The following DOCK9 variants were observed in gnomAD, a reference collection of about 807,000 sequenced individuals.
DOCK9 encodes the protein dedicator of cytokinesis 9, also known as dedicator of cytokinesis protein 9.
DOCK9 carries 89 observed loss-of-function variants against 263.3 expected under a neutral mutation model. That is an observed-to-expected ratio of 0.34 (90% CI 0.28 to 0.40). The LOEUF is 0.40. DOCK9 is among the 10% of genes least tolerant of loss of function. The pLI is 1.00. For missense variants in DOCK9, 2,140 were observed against 2,603.4 expected, an observed-to-expected ratio of 0.82 and a Z score of 3.87; for synonymous variants, 976 against 973.1, an observed-to-expected ratio of 1.00 and a Z score of -0.06.
At chr13:99,064,837 G>A (rs1449997001) in intron 1 of DOCK9, among the ~76,000 whole-genome samples, 1 of 152,162 alleles carries the variant, frequency 6.6e-6, no homozygotes, top group East Asian at 1.9e-4. Context: ...TTTTAAAGCT[G>A]TCTGTTCTAC....
At chr13:99,065,772 AT>A (rs541250280) in intron 1 of DOCK9, among the ~76,000 whole-genome samples, 20 of 152,284 alleles carry the variant, frequency 1.3e-4, no homozygotes, top group Admixed American at 3.9e-4. Context: ...CATGAAGCTC[AT>A]TTTGCAATCT....
At chr13:98,803,447 C>T (rs1360431019) in intron 49 of DOCK9, among the ~76,000 whole-genome samples, 42 of 152,182 alleles carry the variant, frequency 2.8e-4, no homozygotes, top group Admixed American at 2.7e-3. Flanking sequence ...CCAGGATAAC[C>T]GGGAGGGCCT....
chr13:98,844,370 TA>T (rs201365129), intron 38 of DOCK9, among the ~76,000 whole-genome samples: 5 of 139,128 alleles, frequency 3.6e-5, no homozygotes, highest in East Asian at 4.2e-4. Context: ...TTATTTTTTT[TA>T]TTTTTTTTTT....
At chr13:99,031,980 T>C (rs1177461250) in intron 1 of DOCK9, among the ~76,000 whole-genome samples, 1 of 152,208 alleles carries the variant, frequency 6.6e-6, no homozygotes, top group Non-Finnish European at 1.5e-5. Context: ...CTTCTTGATT[T>C]CATAATAGCC....
At chr13:98,942,440 G>T (rs1268276707) in intron 2 of DOCK9, among the ~76,000 whole-genome samples, 1 of 151,976 alleles carries the variant, frequency 6.6e-6, no homozygotes, top group Non-Finnish European at 1.5e-5. Context: ...GGGTTTTGCC[G>T]TGTTAGCCAG....
In DOCK9 at chr13:98,885,766, G is replaced by A. The variant is rs2045603103; in HGVS notation, c.2202C>T (p.Val734=). The change falls in exon 20 of 53, where the codon GTC becomes GTT. Residue 734 remains valine (V), a synonymous_variant. Transcript: ENST00000682017. ...KHHLLLTFFH[V]SCDNSSKGST... ...TTCCTTTACTTGAGTTGTCACAGCT[G>A]ACATGGAAGAATGTGAGCAACAGGT... 1 of 1,612,738 alleles carries A rather than the reference G, an allele frequency of 6.2e-7. No individual in the cohort carries two copies. The highest frequency in any genetic ancestry group is 1.3e-5 in the African/African-American group (1 of 74,852).
At chr13:98,806,130 T>A (rs1480810717) in intron 48 of DOCK9, among the ~76,000 whole-genome samples, 2 of 152,236 alleles carry the variant, frequency 1.3e-5, no homozygotes, top group Admixed American at 1.3e-4. Flanking sequence ...ATTTTAGGAA[T>A]AATGTTTGGA....
intron 1 of DOCK9, among the ~76,000 whole-genome samples, chr13:99,032,224 A>C (rs890156582): frequency 6.6e-6 from 1 of 152,132 alleles, no homozygotes; most frequent in Non-Finnish European, 1.5e-5. Flanking sequence ...TAATCCTAGC[A>C]CTTTGGGAGG....
intron 15 of DOCK9, among the ~76,000 whole-genome samples, chr13:98,888,936 G>C (rs1830069615): frequency 6.6e-6 from 1 of 152,076 alleles, no homozygotes; most frequent in African/African-American, 2.4e-5. Context: ...TATTTAATCA[G>C]TATAAAAAAT....
chr13:98,979,303 T>C (rs531196371), upstream of DOCK9, among the ~76,000 whole-genome samples: 3 of 152,064 alleles, frequency 2.0e-5, no homozygotes, highest in South Asian at 2.1e-4. Flanking sequence ...GTAGCAACAA[T>C]AGGTGCCAGA....
At chr13:98,910,503 C>T (rs1434466948) in intron 9 of DOCK9, among the ~76,000 whole-genome samples, 1 of 152,216 alleles carries the variant, frequency 6.6e-6, no homozygotes, top group East Asian at 1.9e-4. Context: ...GTTTACATCA[C>T]TCACACTGTA....
intron 27 of DOCK9, chr13:98,871,921 C>G (rs566310529): frequency 6.5e-6 from 1 of 153,236 alleles, no homozygotes; most frequent in Non-Finnish European, 1.5e-5. Context: ...GGCTGCTCAG[C>G]GCCTACCAAC....
intron 1 of DOCK9, among the ~76,000 whole-genome samples, chr13:99,073,137 T>A (rs754702129): frequency 5.9e-5 from 9 of 152,144 alleles, no homozygotes; most frequent in Non-Finnish European, 1.3e-4. Flanking sequence ...ATGTGGCCCA[T>A]CACTCAAGAT....
chr13:98,857,538 A>C (rs1443004154), intron 33 of DOCK9: 1 of 152,168 alleles, frequency 6.6e-6, no homozygotes, highest in Non-Finnish European at 1.5e-5. Flanking sequence ...TGATCTGCCC[A>C]CCTCGGCCTC....
intron 1 of DOCK9, among the ~76,000 whole-genome samples, chr13:99,043,542 G>A (rs1172306200): frequency 6.6e-6 from 1 of 152,186 alleles, no homozygotes; most frequent in African/African-American, 2.4e-5. Flanking sequence ...GAACCCAGGA[G>A]CAGAGGACTC....
At position 98,829,852 on chromosome 13, in the gene DOCK9, C is replaced by T. The variant is rs531082224; in HGVS notation, c.4636-96G>A. 1.6e-4 allele frequency: 171 copies of T among 1,052,468 alleles called. 1 individual carries two copies. The Middle Eastern group carries it at 2.1e-3, about 13-fold the overall frequency. The allele number at this position is 1,052,468 out of a possible 1,614,324, so 65.2% of individuals were successfully genotyped here. A position where few individuals can be genotyped will look rare whatever the true frequency, so the allele number is the denominator to read the frequency against. ...AGTTAGGATGTGCCTAAGGACCCAG[C>T]AAAGTGGGGGTTGGGGGGTGCTTTG... On this transcript the variant is annotated intron_variant, in intron 41 of 52. Coordinates refer to ENST00000682017, the MANE Select transcript of DOCK9 (RefSeq NM_001366683.2). This position sits in a 1 kb window ranked among gnomAD's most constrained non-coding sequence, Gnocchi z 4.1.
At chr13:98,922,927 T>C (rs887463305) in intron 5 of DOCK9, among the ~76,000 whole-genome samples, 1 of 152,170 alleles carries the variant, frequency 6.6e-6, no homozygotes, top group Non-Finnish European at 1.5e-5. Context: ...CTAAAAGCAA[T>C]CATTGAAGAA....
At chr13:98,799,994 G>C (rs2089915179) in intron 50 of DOCK9, among the ~76,000 whole-genome samples, 1 of 152,148 alleles carries the variant, frequency 6.6e-6, no homozygotes, top group South Asian at 2.1e-4. Flanking sequence ...ATTTAGAAGA[G>C]TCTTGATGCT....
chr13:98,831,465 C>T lies in DOCK9; in HGVS notation c.4518G>A (p.Lys1506=). The change falls in exon 41 of 53, where the codon AAG becomes AAA. Residue 1506 remains lysine, a synonymous_variant. Coordinates refer to ENST00000682017, the MANE Select transcript of DOCK9 (RefSeq NM_001366683.2). ...MCAALCYEIL[K]CCNSKLSSIR... ...TGGAGCTCAGCTTGGAGTTACAGCA[C>T]TTGAGAATCTCGTAACACAGAGCCG... 1 of 1,595,558 alleles carries T rather than the reference C, an allele frequency of 6.3e-7. No homozygotes were observed. Among genetic ancestry groups the T allele is most frequent in the South Asian group, 1.1e-5 (1 of 87,654 alleles).
Sources: allele counts gnomAD v4.1 joint callset (sites outside exome capture counted in the v4.1 genomes callset), GRCh38; gene constraint gnomAD v4.1.1; non-coding constraint Gnocchi (gnomAD v3.1); transcripts MANE v1.5; gene names NCBI Gene and HGNC (gene_info 2026-07-23, HGNC 2026-07-21).